NCKAP5: variants seen among roughly 807,000 people sequenced by gnomAD.
The protein encoded by NCKAP5 is nck-associated protein 5.
Under a neutral mutation model 167.0 loss-of-function variants are expected in NCKAP5, and 92 were observed. The observed-to-expected ratio is 0.55, with a 90% confidence interval of 0.47 to 0.66. NCKAP5 has a LOEUF of 0.66. Ranked by LOEUF, NCKAP5 falls within the 30% of genes least tolerant of loss-of-function variation. The pLI, the probability that NCKAP5 is intolerant of heterozygous loss-of-function variation, is 0.00. For synonymous variants in NCKAP5, 891 were observed against 877.4 expected (o/e 1.02, Z -0.27); for missense variants, 2,378 against 2,315.0 (o/e 1.03, Z -0.56).
chr2:132,725,390 G>T (rs895875115), intron 19 of NCKAP5, among the ~76,000 whole-genome samples: 4 of 152,206 alleles, frequency 2.6e-5, no homozygotes, highest in African/African-American at 7.2e-5. Context: ...TTTTAGACAT[G>T]CTGGATTCAG....
chr2:132,864,388 A>AAAATACTC (rs1321794624), intron 10 of NCKAP5, among the ~76,000 whole-genome samples: 1 of 152,184 alleles, frequency 6.6e-6, no homozygotes, highest in Admixed American at 6.5e-5. Context: ...TGGGTTCAAG[A>AAAATACTC]AAATACTCAG....
At chr2:133,648,931 T>A in the NCKAP5 span, among the ~76,000 whole-genome samples, 35 of 140,222 alleles carry the variant, frequency 2.5e-4, no homozygotes, top group Middle Eastern at 3.7e-3. Flanking sequence ...TAATAGAAAA[T>A]CAGTAAAAAA....
At chr2:133,644,708 A>G in the NCKAP5 span, among the ~76,000 whole-genome samples, 1 of 152,194 alleles carries the variant, frequency 6.6e-6, no homozygotes, top group Non-Finnish European at 1.5e-5. Context: ...CCCCTTGCCA[A>G]TTACACTACA....
chr2:133,287,482 TC>T (rs1400437293), intron 4 of NCKAP5, among the ~76,000 whole-genome samples: 13 of 152,212 alleles, frequency 8.5e-5, no homozygotes, highest in African/African-American at 2.7e-4. Flanking sequence ...AGATACAGCA[TC>T]AGACAATGCA....
chr2:133,565,584 T>G (rs1688488144), intron 1 of NCKAP5, among the ~76,000 whole-genome samples: 2 of 152,330 alleles, frequency 1.3e-5, no homozygotes, highest in South Asian at 4.1e-4. Context: ...TGTGCTGTGC[T>G]GCATAGTGAA....
chr2:132,978,594 G>C (rs1223884748), intron 7 of NCKAP5, among the ~76,000 whole-genome samples: 1 of 152,098 alleles, frequency 6.6e-6, no homozygotes, highest in African/African-American at 2.4e-5. Flanking sequence ...AAGACTTGCT[G>C]ACCATCCTGA....
rs140441031 is a variant in NCKAP5, at chr2:132,742,967, G to A, written c.5129-10916C>T. ...TCTCTACAGGAAGATAATAAAAGAA[G>A]TAATGAAATCCAACAGACCAGGGGA... is the stretch of plus-strand genomic sequence containing the variant. On this transcript the variant is annotated intron_variant, in intron 16 of 19. Coordinates refer to ENST00000409261, the MANE Select transcript of NCKAP5 (RefSeq NM_207363.3). Among the ~76,000 whole-genome samples the A allele has an allele frequency of 4.3e-4, 65 of 151,946 alleles. No individual in the cohort carries two copies. The East Asian group carries it at 0.01, about 24-fold the overall frequency.
intron 7 of NCKAP5, 105 bp from the exon 8 acceptor site, chr2:132,963,974 G>A (rs55724759): frequency 0.15 from 195,546 of 1,290,828 alleles, 19,925 homozygotes; most frequent in East Asian, 0.51. Flanking sequence ...GCATTCTTCC[G>A]GGGCTGGGAG....
intron 3 of NCKAP5, among the ~76,000 whole-genome samples, chr2:133,361,897 A>C (rs1283463607): frequency 2.0e-5 from 3 of 152,208 alleles, no homozygotes; most frequent in Non-Finnish European, 2.9e-5. Flanking sequence ...TATAGTTTTG[A>C]ATTTATAAAT....
intron 19 of NCKAP5, among the ~76,000 whole-genome samples, chr2:132,720,694 G>C (rs1291555740): frequency 6.6e-6 from 1 of 152,148 alleles, no homozygotes; most frequent in Non-Finnish European, 1.5e-5. Flanking sequence ...ACTATCAAAT[G>C]TCCTCTCCTG....
At chr2:133,464,637 C>T (rs927613684) in intron 3 of NCKAP5, among the ~76,000 whole-genome samples, 1 of 152,136 alleles carries the variant, frequency 6.6e-6, no homozygotes, top group Non-Finnish European at 1.5e-5. Context: ...TTTCAGTGAG[C>T]CGAGATCCCA....
At chr2:132,961,893 T>G (rs1245068095) in intron 8 of NCKAP5, among the ~76,000 whole-genome samples, 1 of 152,182 alleles carries the variant, frequency 6.6e-6, no homozygotes, top group African/African-American at 2.4e-5. Context: ...TAATTCAACC[T>G]CAAGATAAAG....
In NCKAP5 at chr2:132,781,955, G is replaced by T; in HGVS notation, c.4856C>A (p.Thr1619Lys). 1.2e-6 allele frequency: 2 copies of T among 1,612,492 alleles called. No homozygotes were observed. The highest frequency in any genetic ancestry group is 1.7e-5 in the Admixed American group (1 of 59,986). Residue 1619 changes from threonine to lysine, a missense_variant, in exon 14 of 20, where the codon ACG becomes AAG. By Grantham distance (78) the Thr-to-Lys change is moderately conservative. Coordinates refer to ENST00000409261, the MANE Select transcript of NCKAP5 (RefSeq NM_207363.3). ...AGTGAGTTACCTGTTCAAGAGTTCC[G>T]TCATGAAGGTGTCTTTCGTTGAACA... ...VACSTKDTFM[T>K]ELLNRVDKKA... is the part of the protein sequence containing the mutation.
intron 7 of NCKAP5, among the ~76,000 whole-genome samples, chr2:132,988,317 C>T (rs746777168): frequency 6.6e-6 from 1 of 152,012 alleles, no homozygotes; most frequent in Non-Finnish European, 1.5e-5. Flanking sequence ...AAAAAATTAA[C>T]CAAGCGTGGT....
chr2:133,350,381 C>G (rs1684278070), intron 3 of NCKAP5, among the ~76,000 whole-genome samples: 1 of 152,024 alleles, frequency 6.6e-6, no homozygotes, highest in Admixed American at 6.6e-5. Context: ...CCATCACATT[C>G]CAGCCTGATC....
chr2:132,734,539 C>T (rs574148854), intron 16 of NCKAP5, among the ~76,000 whole-genome samples: 1 of 152,304 alleles, frequency 6.6e-6, no homozygotes, highest in South Asian at 2.1e-4. Flanking sequence ...GACCACCTAT[C>T]CCTGAATCAA....
At chr2:133,653,457 A>G in the NCKAP5 span, among the ~76,000 whole-genome samples, 23 of 152,354 alleles carry the variant, frequency 1.5e-4, no homozygotes, top group African/African-American at 5.3e-4. Flanking sequence ...GTGGGCACTC[A>G]GTAGATACTT....
intron 2 of NCKAP5, among the ~76,000 whole-genome samples, chr2:133,519,098 T>C (rs1684264743): frequency 6.6e-6 from 1 of 152,222 alleles, no homozygotes; most frequent in African/African-American, 2.4e-5. Flanking sequence ...ATGTGGGCTG[T>C]CTCTCTTGGT....
intron 11 of NCKAP5, among the ~76,000 whole-genome samples, chr2:132,829,603 G>A (rs1407210784): frequency 6.6e-6 from 1 of 152,092 alleles, no homozygotes; most frequent in Non-Finnish European, 1.5e-5. Context: ...ACCCTTTACA[G>A]AAATAAATGC....
Sources: gnomAD v4.1 joint callset for allele counts (sites outside exome capture counted in the v4.1 genomes callset) on GRCh38, gnomAD v4.1.1 for gene constraint, MANE v1.5 for transcripts, NCBI Gene and HGNC (gene_info 2026-07-23, HGNC 2026-07-21) for gene names.